Variants in SLC4A8 observed in about 807,000 individuals in gnomAD.
SLC4A8 encodes the protein solute carrier family 4 member 8, also known as electroneutral sodium bicarbonate exchanger 1.
A neutral mutation model predicts 125.0 loss-of-function variants in SLC4A8; 40 were observed. The ratio of observed to expected loss-of-function variants is 0.32; its 90% CI spans 0.25 to 0.42. The LOEUF (loss-of-function observed/expected upper bound fraction) is 0.42, where lower values mean the gene tolerates loss of function less well. Among genes scored for constraint, SLC4A8 ranks in the 10% least tolerant of loss-of-function variants. The pLI, the probability that SLC4A8 is intolerant of heterozygous loss-of-function variation, is 1.00. For missense variants in SLC4A8, 863 were observed against 1,355.1 expected (o/e 0.64, Z 5.70); for synonymous variants, 456 against 476.0 (o/e 0.96, Z 0.55).
Position 51,462,718 on chromosome 12 carries a change from C to T in SLC4A8, c.1248+262C>T, listed in dbSNP as rs564863483. ...GACCAGCCTGGCCAACATGGTGAAA[C>T]CCCATCTCTACTAAAAATACAAAAA... On this transcript the variant is annotated intron_variant, in intron 10 of 24. Coordinates refer to ENST00000453097, the MANE Select transcript of SLC4A8 (RefSeq NM_001039960.3). 7.6e-4 allele frequency: 160 copies of T among 211,820 alleles called. 1 individual carries two copies. Among genetic ancestry groups the T allele is most frequent in the Middle Eastern group, 5.2e-3 (3 of 580 alleles). The allele number at this position is 211,820 out of a possible 1,614,324, so 13.1% of individuals were successfully genotyped here.
chr12:51,469,845 G>T, intron 12 of SLC4A8, 57 bp downstream of exon 12: 4 of 1,557,528 alleles, frequency 2.6e-6, no homozygotes, highest in Admixed American at 1.7e-5. Flanking sequence ...TATTGTGGCG[G>T]CAGCCAGGTC....
Position 51,460,078 on chromosome 12 carries a change from C to T in SLC4A8, c.983C>T (p.Ser328Leu), listed in dbSNP as rs1464494621. Residue 328 changes from serine (S) to leucine (L), a missense_variant, in exon 8 of 25, where the codon TCA becomes TTA. Ser to Leu is a moderately radical substitution (Grantham distance 145, BLOSUM62 -2). Around this residue, in one of 6 missense-constraint regions of SLC4A8, gnomAD observed 390 missense variants for 634.4 expected, o/e 0.61. Transcript: ENST00000453097. ...AGGCTGTCTCCAGCTGTTCTTCTCT[C>T]AGGCCTAACAGAAGTGCCAATCCCA... ...FVRLSPAVLL[S>L]GLTEVPIPTR... The T allele has an allele frequency of 6.2e-7, 1 of 1,613,852 alleles. No individual in the cohort carries two copies. Among genetic ancestry groups the T allele is most frequent in the Non-Finnish European group, 8.5e-7 (1 of 1,179,752 alleles).
intron 17 of SLC4A8, among the ~76,000 whole-genome samples, chr12:51,487,814 T>G (rs1336756859): frequency 2.6e-5 from 4 of 152,228 alleles, no homozygotes; most frequent in Non-Finnish European, 5.9e-5. Context: ...GAGAAGCCCC[T>G]TGGAGCAATC....
intron 2 of SLC4A8, among the ~76,000 whole-genome samples, chr12:51,449,944 G>T (rs555346523): frequency 9.2e-5 from 14 of 152,232 alleles, no homozygotes; most frequent in African/African-American, 2.9e-4. Flanking sequence ...TGGGAGGATT[G>T]CTTGAGCCCA....
At chr12:51,474,274 T>G in intron 14 of SLC4A8, 68 bp from the exon 15 acceptor site, 1 of 1,034,958 alleles carries the variant, frequency 9.7e-7, no homozygotes, top group Non-Finnish European at 1.4e-6. Context: ...TTAAACCAGT[T>G]GTTCTAAAAA....
intron 17 of SLC4A8, among the ~76,000 whole-genome samples, chr12:51,487,181 T>A (rs190977178): frequency 6.6e-6 from 1 of 152,316 alleles, no homozygotes; most frequent in Admixed American, 6.5e-5. Flanking sequence ...AAAATGTTGC[T>A]CATGACAGGC....
At chr12:51,425,193 G>T in intron 1 of SLC4A8, 158 bp downstream of exon 1, 1 of 1,421,836 alleles carries the variant, frequency 7.0e-7, no homozygotes, top group South Asian at 1.5e-5. Context: ...CGCTCCGGGC[G>T]GTTGGGGACC....
At chr12:51,440,861 T>A (rs1592187770) in intron 2 of SLC4A8, 72 bp downstream of exon 2, 1 of 1,284,394 alleles carries the variant, frequency 7.8e-7, no homozygotes, top group East Asian at 2.5e-5. Context: ...CCTGGCTCTG[T>A]GTCCTAACTC....
chr12:51,477,469 G>GAATTC (rs1950889446), intron 16 of SLC4A8, among the ~76,000 whole-genome samples: 1 of 152,192 alleles, frequency 6.6e-6, no homozygotes, highest in Non-Finnish European at 1.5e-5. Flanking sequence ...GTGCTGTCAA[G>GAATTC]AATTCACTTG....
intron 22 of SLC4A8, 156 bp downstream of exon 22, chr12:51,497,280 G>T: frequency 1.2e-6 from 1 of 800,192 alleles, no homozygotes; most frequent in South Asian, 2.1e-5. Context: ...AATGGATTAG[G>T]GATTCTTGCT....
Position 51,483,937 on chromosome 12 carries a change from G to A in SLC4A8, c.2173-1850G>A, listed in dbSNP as rs532072217. On this transcript the variant is annotated intron_variant, in intron 16 of 24. Transcript: ENST00000453097. ...CGGTGTGTGATGTTCCCCATCCTGT[G>A]TCCAAGTGTTCTCATTGTTCAGTTC... 2.6e-5 allele frequency among the ~76,000 whole-genome samples: 4 copies of A among 152,112 alleles called. No homozygotes were observed. The South Asian group carries it at 6.2e-4, about 24-fold the overall frequency.
chr12:51,405,410 G>A (rs551441262), intron 1 of SLC4A8, among the ~76,000 whole-genome samples: 1 of 152,296 alleles, frequency 6.6e-6, no homozygotes, highest in East Asian at 1.9e-4. Context: ...TACACCATTA[G>A]GCTCAAGCCT....
intron 1 of SLC4A8, among the ~76,000 whole-genome samples, chr12:51,417,936 G>A (rs1592151578): frequency 6.6e-6 from 1 of 152,362 alleles, no homozygotes; most frequent in East Asian, 1.9e-4. Flanking sequence ...AGAGGCGTGA[G>A]CCACCATATC....
In SLC4A8 at chr12:51,470,681, G is replaced by A. The variant is rs549591232; in HGVS notation, c.1658+156G>A. On this transcript the variant is annotated intron_variant, in intron 13 of 24. Coordinates refer to ENST00000453097, the MANE Select transcript of SLC4A8 (RefSeq NM_001039960.3). ...TCATTTGGTCTGTTGTCCTGCCCCC[G>A]GGTAGCACCATACCCAAAATAGCAG... Among the ~76,000 whole-genome samples, 39 of 152,216 alleles carry A rather than the reference G, an allele frequency of 2.6e-4. No individual in the cohort carries two copies. The South Asian group carries it at 6.6e-3, about 26-fold the overall frequency.
chr12:51,411,170 T>C (rs1948590674), intron 1 of SLC4A8, among the ~76,000 whole-genome samples: 1 of 152,146 alleles, frequency 6.6e-6, no homozygotes, highest in Non-Finnish European at 1.5e-5. Context: ...TTTGCATTTA[T>C]GCTTTTTCTC....
intron 1 of SLC4A8, among the ~76,000 whole-genome samples, chr12:51,415,690 G>GTAAACCTT (rs1948673251): frequency 6.6e-6 from 1 of 151,310 alleles, no homozygotes; most frequent in Non-Finnish European, 1.5e-5. Flanking sequence ...TCATTGTAAT[G>GTAAACCTT]TAAACCTTTA....
chr12:51,392,580 A>G (rs1234205322), intron 1 of SLC4A8, among the ~76,000 whole-genome samples: 30 of 150,974 alleles, frequency 2.0e-4, no homozygotes, highest in African/African-American at 7.3e-4. Context: ...TCAAAAAAAA[A>G]AAAAAAGAAA....
chr12:51,415,290 T>C (rs1948665599), intron 1 of SLC4A8, among the ~76,000 whole-genome samples: 1 of 152,172 alleles, frequency 6.6e-6, no homozygotes, highest in Non-Finnish European at 1.5e-5. Flanking sequence ...CTCTTTGATT[T>C]TTTGGAATAG....
chr12:51,476,351 C>T (rs1426906384), intron 16 of SLC4A8, among the ~76,000 whole-genome samples: 1 of 152,058 alleles, frequency 6.6e-6, no homozygotes, highest in South Asian at 2.1e-4. Context: ...CATGGTAGCA[C>T]ATGCCTGTAA....
Sources: allele counts gnomAD v4.1 joint callset (sites outside exome capture counted in the v4.1 genomes callset), GRCh38; gene constraint gnomAD v4.1.1; regional missense constraint gnomAD v4.1.1; transcripts MANE v1.5; gene names NCBI Gene and HGNC (gene_info 2026-07-23, HGNC 2026-07-21).